Variants in DTWD2 observed in about 807,000 individuals in gnomAD.
DTWD2 encodes tRNA-uridine aminocarboxypropyltransferase 2.
In DTWD2, 39 loss-of-function variants were observed where a neutral mutation model predicts 31.8. That is an observed-to-expected ratio of 1.22 (90% CI 0.95 to 1.60). The LOEUF (loss-of-function observed/expected upper bound fraction) is 1.60, where lower values mean the gene tolerates loss of function less well. Among genes scored for constraint, DTWD2 ranks in the 40% most tolerant of loss-of-function variants. The pLI is 0.00. For synonymous variants in DTWD2, 180 were observed against 142.8 expected, an observed-to-expected ratio of 1.26 and a Z score of -1.86; for missense variants, 515 against 381.5, an observed-to-expected ratio of 1.35 and a Z score of -2.92.
chr5:118,862,938 G>C (rs1274543418), intron 4 of DTWD2, among the ~76,000 whole-genome samples: 1 of 152,152 alleles, frequency 6.6e-6, no homozygotes, highest in Admixed American at 6.5e-5. Context: ...ATGTTGAAAA[G>C]GCTATATCCC....
intron 1 of DTWD2, among the ~76,000 whole-genome samples, chr5:118,950,788 T>C (rs985375682): frequency 2.6e-5 from 4 of 152,208 alleles, no homozygotes; most frequent in Admixed American, 6.5e-5. Flanking sequence ...AGGCAAGTAA[T>C]TGCAACTCAG....
chr5:118,913,227 C>T (rs1008872931), intron 4 of DTWD2, among the ~76,000 whole-genome samples: 8 of 151,790 alleles, frequency 5.3e-5, no homozygotes, highest in Non-Finnish European at 1.2e-4. Flanking sequence ...AGGGACATGG[C>T]TCATTAGGGA....
rs192176079 is a variant in DTWD2, at chr5:118,891,471, G to A, written c.597+37066C>T. Among the ~76,000 whole-genome samples the A allele has an allele frequency of 1.3e-3, 193 of 152,230 alleles. 1 individual carries two copies. Among genetic ancestry groups the A allele is most frequent in the African/African-American group, 4.4e-3 (182 of 41,524 alleles). On this transcript the variant is annotated intron_variant, in intron 4 of 5. Coordinates refer to ENST00000510708, the MANE Select transcript of DTWD2 (RefSeq NM_173666.4). Reference sequence around the variant, plus strand: ...CTCCACCATTACCTTTGCCAACTGTGACAGCTGTGGTAAGAAAGTCTACAA... The same window carrying A: ...CTCCACCATTACCTTTGCCAACTGTAACAGCTGTGGTAAGAAAGTCTACAA...
intron 4 of DTWD2, among the ~76,000 whole-genome samples, chr5:118,852,329 A>G (rs1311069581): frequency 6.6e-6 from 1 of 152,200 alleles, no homozygotes; most frequent in East Asian, 1.9e-4. Context: ...CGTGATGTAC[A>G]TCCTCAGCTT....
chr5:118,893,239 G>A (rs544872842), intron 4 of DTWD2, among the ~76,000 whole-genome samples: 2 of 151,634 alleles, frequency 1.3e-5, no homozygotes, highest in South Asian at 4.2e-4. Flanking sequence ...GTATGCTCCT[G>A]TGGTCCAACT....
In DTWD2 at chr5:118,939,247, A is replaced by C. The variant is rs761303443; in HGVS notation, c.353T>G (p.Leu118Arg). The change falls in exon 3 of 6, where the codon CTC becomes CGC. Residue 118 changes from leucine to arginine, a missense_variant. Leu to Arg is a moderately radical substitution (Grantham distance 102, BLOSUM62 -2). Coordinates refer to ENST00000510708, the MANE Select transcript of DTWD2 (RefSeq NM_173666.4). ...CTTCACTTTACACTTGTCCTGGGGG[A>C]GGCATGCTGCTAGTAGAGGAACTGT... is the stretch of plus-strand genomic sequence containing the variant. Reference protein sequence around the residue: ...LRTVPLLAACLPQDKCKVKIG... With the variant: ...LRTVPLLAACRPQDKCKVKIG... 4 of 1,601,038 alleles carry C rather than the reference A, an allele frequency of 2.5e-6. No homozygotes were observed. The highest frequency in any genetic ancestry group is 1.7e-5 in the Admixed American group (1 of 58,202).
chr5:118,869,010 G>C (rs980163766), intron 4 of DTWD2, among the ~76,000 whole-genome samples: 2 of 152,008 alleles, frequency 1.3e-5, no homozygotes, highest in Non-Finnish European at 2.9e-5. Flanking sequence ...AAGTTATAGA[G>C]AAAGGAGGCA....
intron 1 of DTWD2, among the ~76,000 whole-genome samples, chr5:118,984,003 T>G (rs1386320289): frequency 6.6e-6 from 1 of 150,634 alleles, no homozygotes; most frequent in Non-Finnish European, 1.5e-5. Flanking sequence ...ATACAAAACC[T>G]AGGCTGGGCG....
intron 1 of DTWD2, among the ~76,000 whole-genome samples, chr5:118,970,383 C>T (rs1322526341): frequency 2.6e-5 from 4 of 152,122 alleles, no homozygotes; most frequent in African/African-American, 7.2e-5. Context: ...ACCAAGATTG[C>T]ACCACGGCAC....
At chr5:118,862,444 T>C (rs770942246) in intron 4 of DTWD2, among the ~76,000 whole-genome samples, 1 of 152,166 alleles carries the variant, frequency 6.6e-6, no homozygotes, top group African/African-American at 2.4e-5. Context: ...ATAGGGCCGA[T>C]GTAAATGAGA....
chr5:118,941,489 T>TC (rs1170728134), intron 2 of DTWD2, among the ~76,000 whole-genome samples: 3 of 152,282 alleles, frequency 2.0e-5, no homozygotes, highest in African/African-American at 7.2e-5. Context: ...TTCATCCATG[T>TC]CCTACAAAGG....
At chr5:118,861,285 T>C (rs1186308709) in intron 4 of DTWD2, among the ~76,000 whole-genome samples, 1 of 152,218 alleles carries the variant, frequency 6.6e-6, no homozygotes, top group Non-Finnish European at 1.5e-5. Context: ...TTGAAGTTTA[T>C]GATTAGAGTA....
chr5:118,870,803 G>C (rs1028555284), intron 4 of DTWD2, among the ~76,000 whole-genome samples: 15 of 152,082 alleles, frequency 9.9e-5, no homozygotes, highest in Non-Finnish European at 1.5e-5. Context: ...TGTAGCATGT[G>C]ATGCTGTTTG....
chr5:118,977,371 C>G (rs750662449), intron 1 of DTWD2, among the ~76,000 whole-genome samples: 5 of 152,104 alleles, frequency 3.3e-5, no homozygotes, highest in African/African-American at 4.8e-5. Flanking sequence ...AAAGGGTATT[C>G]AAATAGGAAG....
At chr5:118,902,407 A>G (rs1753232964) in intron 4 of DTWD2, among the ~76,000 whole-genome samples, 1 of 152,190 alleles carries the variant, frequency 6.6e-6, no homozygotes, top group Non-Finnish European at 1.5e-5. Flanking sequence ...ATACTTTAAA[A>G]TAGATCAAAT....
chr5:118,968,909 G>A (rs1376680493), intron 1 of DTWD2, among the ~76,000 whole-genome samples: 1 of 152,202 alleles, frequency 6.6e-6, no homozygotes. Flanking sequence ...GCAGGAAGCT[G>A]GAGACTGCCT....
intron 1 of DTWD2, among the ~76,000 whole-genome samples, chr5:118,967,133 T>C (rs1754870589): frequency 2.0e-5 from 3 of 149,032 alleles, no homozygotes; most frequent in South Asian, 4.3e-4. Flanking sequence ...AGATTAGGGT[T>C]GAACAAATAA....
intron 1 of DTWD2, among the ~76,000 whole-genome samples, chr5:118,973,453 G>C (rs1018354809): frequency 6.6e-6 from 1 of 152,156 alleles, no homozygotes; most frequent in Non-Finnish European, 1.5e-5. Context: ...AGGCCTGGTG[G>C]TGACAAAATC....
In DTWD2 at chr5:118,839,783, C is replaced by A. The variant is rs1048285045; in HGVS notation, c.*1134G>T. On this transcript the variant is annotated 3_prime_UTR_variant, in exon 6 of 6. Coordinates refer to ENST00000510708, the MANE Select transcript of DTWD2 (RefSeq NM_173666.4). ...CATTCTAATTGTGACCAGCATTATACCTTTTAATGAGTCTAATCCAAGTAA... is the reference window on the plus strand; with the variant it reads ...CATTCTAATTGTGACCAGCATTATAACTTTTAATGAGTCTAATCCAAGTAA... 2.6e-5 allele frequency: 4 copies of A among 152,182 alleles called. No homozygotes were observed. The highest frequency in any genetic ancestry group is 9.7e-5 in the African/African-American group (4 of 41,430). 9.4% of individuals were successfully genotyped at this position (152,182 alleles called of 1,614,324 possible).
Sources: allele counts gnomAD v4.1 joint callset (sites outside exome capture counted in the v4.1 genomes callset), GRCh38; gene constraint gnomAD v4.1.1; transcripts MANE v1.5; gene names NCBI Gene and HGNC (gene_info 2026-07-23, HGNC 2026-07-21).